The following ARRB1 variants were observed in gnomAD, a reference collection of about 807,000 sequenced individuals.
The protein encoded by ARRB1 is beta-arrestin-1.
In ARRB1, 21 loss-of-function variants were observed where a neutral mutation model predicts 56.8. That is an observed-to-expected ratio of 0.37 (90% CI 0.26 to 0.53). The LOEUF (loss-of-function observed/expected upper bound fraction) is 0.53, where lower values mean the gene tolerates loss of function less well. ARRB1 is among the 20% of genes least tolerant of loss of function. ARRB1 has a pLI of 0.88. For missense variants in ARRB1, 424 were observed against 553.7 expected (o/e 0.77, Z 2.35); for synonymous variants, 210 against 218.6 (o/e 0.96, Z 0.35).
At chr11:75,292,729 G>A (rs1946639485) in intron 1 of ARRB1, among the ~76,000 whole-genome samples, 1 of 152,192 alleles carries the variant, frequency 6.6e-6, no homozygotes, top group Admixed American at 6.5e-5. Flanking sequence ...CTGCTGGAAG[G>A]AGCGAGACAC....
chr11:75,350,816 G>A (rs1947836921), intron 1 of ARRB1, among the ~76,000 whole-genome samples: 1 of 152,314 alleles, frequency 6.6e-6, no homozygotes, highest in East Asian at 1.9e-4. Flanking sequence ...TACCCTGTGT[G>A]ATGTGTGTGT....
chr11:75,311,484 T>C (rs1449449046), intron 1 of ARRB1, among the ~76,000 whole-genome samples: 1 of 151,326 alleles, frequency 6.6e-6, no homozygotes, highest in Admixed American at 6.6e-5. Flanking sequence ...CAATGAAGAG[T>C]TTGTCAGATT....
intron 3 of ARRB1, among the ~76,000 whole-genome samples, chr11:75,285,431 C>T (rs1329446180): frequency 6.6e-6 from 1 of 152,176 alleles, no homozygotes; most frequent in African/African-American, 2.4e-5. Context: ...TATCTTTGGC[C>T]AAACCTTTCT....
At chr11:75,296,780 C>T (rs568280726) in intron 1 of ARRB1, among the ~76,000 whole-genome samples, 5 of 152,078 alleles carry the variant, frequency 3.3e-5, no homozygotes, top group Non-Finnish European at 5.9e-5. Flanking sequence ...CAGGCTCAAG[C>T]GATTCTCCTG....
chr11:75,289,516 C>T (rs1232637037), intron 2 of ARRB1, among the ~76,000 whole-genome samples: 4 of 152,216 alleles, frequency 2.6e-5, no homozygotes, highest in Non-Finnish European at 5.9e-5. Flanking sequence ...CCCGCCGGCT[C>T]AGCCCAGACC....
intron 6 of ARRB1, among the ~76,000 whole-genome samples, chr11:75,281,414 T>C (rs566704117): frequency 1.2e-4 from 19 of 152,264 alleles, no homozygotes; most frequent in African/African-American, 4.6e-4. Context: ...GCCGTCCTCA[T>C]CCAGGCAGCT....
chr11:75,275,686 C>T (rs1050172448), intron 10 of ARRB1, among the ~76,000 whole-genome samples: 4 of 152,326 alleles, frequency 2.6e-5, no homozygotes, highest in South Asian at 2.1e-4. Context: ...GTCGGACGAC[C>T]GTGTTCCAGC....
chr11:75,333,053 C>T (rs1947545565), intron 1 of ARRB1, among the ~76,000 whole-genome samples: 1 of 152,198 alleles, frequency 6.6e-6, no homozygotes, highest in Non-Finnish European at 1.5e-5. Context: ...GTACCCCGAC[C>T]ACCTTGGGCA....
intron 1 of ARRB1, among the ~76,000 whole-genome samples, chr11:75,319,274 C>T (rs1947309431): frequency 1.3e-5 from 2 of 152,180 alleles, no homozygotes; most frequent in African/African-American, 4.8e-5. Flanking sequence ...CCCCCAGGAT[C>T]CTCCCCTTCC....
rs1426750769 is a variant in ARRB1 at position 75,264,850 on chromosome 11, G to C, written c.*1313C>G. On this transcript the variant is annotated 3_prime_UTR_variant, in exon 16 of 16. Coordinates refer to ENST00000420843, the MANE Select transcript of ARRB1 (RefSeq NM_004041.5). ...TTATTCTCAAAGGCCAGGCAAAGAG[G>C]ATAACTCCTAACACTTTCTATCTCA... 1 of 152,228 alleles carries C rather than the reference G, an allele frequency of 6.6e-6. No homozygotes were observed. Among genetic ancestry groups the C allele is most frequent in the African/African-American group, 2.4e-5 (1 of 41,436 alleles). 9.4% of individuals were successfully genotyped at this position (152,228 alleles called of 1,614,324 possible).
chr11:75,331,591 A>ACCC (rs779419832), intron 1 of ARRB1, among the ~76,000 whole-genome samples: 35 of 147,526 alleles, frequency 2.4e-4, no homozygotes, highest in Non-Finnish European at 5.2e-4. Flanking sequence ...ACACCTTGTG[A>ACCC]CCCCCACCCC....
chr11:75,270,411 T>A (rs533462060), intron 13 of ARRB1, among the ~76,000 whole-genome samples: 1 of 152,278 alleles, frequency 6.6e-6, no homozygotes, highest in Non-Finnish European at 1.5e-5. Context: ...GGGTGGATCA[T>A]GAGGTCAGGA....
rs537186960 is a variant in ARRB1 at position 75,267,553 on chromosome 11, C to T, written c.1145+99G>A. ...CTCTCAGCAGACGGGGTTAGACCAG[C>T]GGCTCCTCAGGAGTTAATAAGCATA... On this transcript the variant is annotated intron_variant, in intron 15 of 15. Coordinates refer to ENST00000420843, the MANE Select transcript of ARRB1 (RefSeq NM_004041.5). 1.6e-5 allele frequency: 20 copies of T among 1,246,716 alleles called. No individual in the cohort carries two copies. The East Asian group carries it at 2.7e-4, about 17-fold the overall frequency. 77.2% of individuals were successfully genotyped at this position (1,246,716 alleles called of 1,614,324 possible).
intron 2 of ARRB1, among the ~76,000 whole-genome samples, chr11:75,287,972 C>G (rs1194113980): frequency 6.6e-6 from 1 of 152,076 alleles, no homozygotes; most frequent in Non-Finnish European, 1.5e-5. Flanking sequence ...AGGCGATTCT[C>G]CTGCCTCAGC....
rs890379975 is a variant in ARRB1 at position 75,262,332 on chromosome 11, A to T, written c.*3831T>A. 6.6e-6 allele frequency: 1 copy of T among 152,226 alleles called. No individual in the cohort carries two copies. The highest frequency in any genetic ancestry group is 1.5e-5 in the Non-Finnish European group (1 of 68,060). The allele number at this position is 152,226 out of a possible 1,614,324, so 9.4% of individuals were successfully genotyped here. ...TCCAAGATGTCCCCCTCCACCAATC[A>T]CTGACAATATCCAGGTCTTCCCTCT... On this transcript the variant is annotated 3_prime_UTR_variant, in exon 16 of 16. Transcript: ENST00000420843.
At chr11:75,290,132 G>A (rs1286355650) in intron 1 of ARRB1, 93 bp from the exon 2 acceptor site, 31 of 1,502,624 alleles carry the variant, frequency 2.1e-5, no homozygotes, top group Middle Eastern at 1.8e-4. Flanking sequence ...TGGGGACCAG[G>A]GCTGGAGTGA....
chr11:75,286,651 A>G lies in ARRB1; in HGVS notation c.112+664T>C, dbSNP rs1002721142. Among the ~76,000 whole-genome samples, 6 of 152,150 alleles carry G rather than the reference A, an allele frequency of 3.9e-5. No individual in the cohort carries two copies. In the East Asian group the frequency reaches 5.8e-4, roughly 15 times the overall value. On this transcript the variant is annotated intron_variant, in intron 3 of 15. Transcript: ENST00000420843. ...GACCAGGGATGTGGCTATCCAGCCT[A>G]TAACACACAGGACAGGCCACACTAA...
chr11:75,287,180 G>T, intron 3 of ARRB1, 135 bp downstream of exon 3: 1 of 863,576 alleles, frequency 1.2e-6, no homozygotes, highest in Non-Finnish European at 1.7e-6. Context: ...CTCAGTAAAT[G>T]CTTGCTGCCT....
At chr11:75,305,210 A>AT (rs112845043) in intron 1 of ARRB1, among the ~76,000 whole-genome samples, 15,891 of 131,662 alleles carry the variant, frequency 0.12, 1,171 homozygotes, top group African/African-American at 0.22. Flanking sequence ...TAATTTTTGT[A>AT]TTTTTTTTTT....
Sources: allele counts gnomAD v4.1 joint callset (sites outside exome capture counted in the v4.1 genomes callset), GRCh38; gene constraint gnomAD v4.1.1; transcripts MANE v1.5; gene names NCBI Gene and HGNC (gene_info 2026-07-23, HGNC 2026-07-21).